The following ABLIM1 variants were observed in gnomAD, a reference collection of about 807,000 sequenced individuals.
ABLIM1 encodes the protein actin-binding LIM protein 1.
In ABLIM1, 40 loss-of-function variants were observed where a neutral mutation model predicts 107.0. The ratio of observed to expected loss-of-function variants is 0.37; its 90% CI spans 0.29 to 0.49. The LOEUF (loss-of-function observed/expected upper bound fraction) is 0.49. Among genes scored for constraint, ABLIM1 ranks in the 20% least tolerant of loss-of-function variants. ABLIM1 has a pLI of 0.97. For missense variants in ABLIM1, 857 were observed against 1,008.5 expected, an observed-to-expected ratio of 0.85 and a Z score of 2.04; for synonymous variants, 357 against 357.3, an observed-to-expected ratio of 1.00 and a Z score of 0.01.
At chr10:114,665,745 C>T (rs2079999761) in intron 1 of ABLIM1, among the ~76,000 whole-genome samples, 1 of 152,176 alleles carries the variant, frequency 6.6e-6, no homozygotes. Context: ...CTTAAAACCA[C>T]AAATTTGTTA....
At chr10:114,684,482 G>A in exon 1 of ABLIM1, 4 of 1,456,634 alleles carry the variant, frequency 2.7e-6, no homozygotes, top group Non-Finnish European at 3.6e-6. Context: ...AACTGGACCC[G>A]AGGGAGGGGT....
At chr10:114,566,992 T>C (rs2070839222) in intron 4 of ABLIM1, among the ~76,000 whole-genome samples, 1 of 152,206 alleles carries the variant, frequency 6.6e-6, no homozygotes, top group Non-Finnish European at 1.5e-5. Context: ...GAGGTTGCAA[T>C]GAGCCAGGAT....
intron 6 of ABLIM1, among the ~76,000 whole-genome samples, chr10:114,539,333 G>C (rs931358246): frequency 6.6e-6 from 1 of 152,032 alleles, no homozygotes; most frequent in Non-Finnish European, 1.5e-5. Context: ...ACTCCAGCCT[G>C]GGCAACAAAG....
intron 1 of ABLIM1, among the ~76,000 whole-genome samples, chr10:114,613,346 G>T (rs1411775683): frequency 6.6e-6 from 1 of 152,176 alleles, no homozygotes; most frequent in Non-Finnish European, 1.5e-5. Context: ...GGGAGAGCCG[G>T]CTATGCCCAG....
At position 114,565,863 on chromosome 10, in the gene ABLIM1, C is replaced by T. The variant is rs1031361127; in HGVS notation, c.673+5434G>A. 9.0e-4 allele frequency among the ~76,000 whole-genome samples: 114 copies of T among 126,892 alleles called. 3 individuals are homozygous for T. Among genetic ancestry groups the T allele is most frequent in the African/African-American group, 3.0e-3 (102 of 33,912 alleles). The allele number at this position is 126,892 out of a possible 152,430, so 83.2% of individuals were successfully genotyped here. A position where few individuals can be genotyped will look rare whatever the true frequency, so the allele number is the denominator to read the frequency against. On this transcript the variant is annotated intron_variant, in intron 4 of 22. Coordinates refer to ENST00000533213, the MANE Select transcript of ABLIM1 (RefSeq NM_002313.7). Reference sequence around the variant, plus strand: ...AGGCTGGAGTGCAGTGGTGTGATCTCGGCTCACTGCAAGCTCCGCCTCCTG... The same window carrying T: ...AGGCTGGAGTGCAGTGGTGTGATCTTGGCTCACTGCAAGCTCCGCCTCCTG...
chr10:114,580,200 ATATAT>A (rs1307418643), intron 2 of ABLIM1, among the ~76,000 whole-genome samples: 2 of 146,114 alleles, frequency 1.4e-5, no homozygotes, highest in African/African-American at 5.0e-5. Context: ...ATTATATATT[ATATAT>A]TATATATATA....
At chr10:114,690,339 G>A (rs1179702185) in intron 1 of ABLIM1, 2 of 1,603,196 alleles carry the variant, frequency 1.2e-6, no homozygotes, top group Admixed American at 3.3e-5. Flanking sequence ...TCCAGCATTT[G>A]CCATGGACAA....
intron 4 of ABLIM1, among the ~76,000 whole-genome samples, chr10:114,562,113 A>T (rs1402301462): frequency 6.6e-6 from 1 of 152,200 alleles, no homozygotes; most frequent in Non-Finnish European, 1.5e-5. Context: ...AAATTGCCAC[A>T]CCAGGTCACC....
intron 1 of ABLIM1, chr10:114,615,722 A>G (rs983711618): frequency 6.8e-5 from 24 of 354,696 alleles, no homozygotes; most frequent in Non-Finnish European, 1.3e-4. Flanking sequence ...TGGGTTCACC[A>G]ACAGTGTCTA....
chr10:114,485,358 G>A (rs560969875), intron 8 of ABLIM1: 1 of 1,612,716 alleles, frequency 6.2e-7, no homozygotes, highest in South Asian at 1.1e-5. Flanking sequence ...GAAATCGGAT[G>A]AAGAACGCCG....
At chr10:114,547,623 G>A in intron 5 of ABLIM1, 27 bp downstream of exon 5, 1 of 1,612,354 alleles carries the variant, frequency 6.2e-7, no homozygotes, top group African/African-American at 1.3e-5. Flanking sequence ...CCCACTGAAA[G>A]GAACGCGTGC....
At chr10:114,663,833 G>A (rs1172024063) in intron 1 of ABLIM1, among the ~76,000 whole-genome samples, 1 of 152,190 alleles carries the variant, frequency 6.6e-6, no homozygotes, top group African/African-American at 2.4e-5. Context: ...GCATTTCTCT[G>A]CACCTCCCCT....
rs371635584 is a variant in ABLIM1, at chr10:114,436,256, G to C, written c.*4C>G. Reference sequence around the variant, plus strand: ...TTTCTCTAATTGCCATTCACGAGTGGGACTTAGAAGAGTTTTGCTTTTTTC... The same window carrying C: ...TTTCTCTAATTGCCATTCACGAGTGCGACTTAGAAGAGTTTTGCTTTTTTC... On this transcript the variant is annotated 3_prime_UTR_variant, in exon 23 of 23. Transcript: ENST00000533213. 1.2e-6 allele frequency: 2 copies of C among 1,608,846 alleles called. No homozygotes were observed.
intron 6 of ABLIM1, among the ~76,000 whole-genome samples, chr10:114,522,995 A>G (rs1201509830): frequency 1.3e-5 from 2 of 152,098 alleles, no homozygotes; most frequent in Admixed American, 1.3e-4. Context: ...TACTAAAAAC[A>G]CAAAAAATTA....
the ABLIM1 span, among the ~76,000 whole-genome samples, chr10:114,777,343 TTTTG>T: frequency 2.0e-5 from 3 of 152,228 alleles, no homozygotes; most frequent in East Asian, 5.8e-4. Flanking sequence ...ATTTTTTCTA[TTTTG>T]TTTAACTTAT....
intron 4 of ABLIM1, among the ~76,000 whole-genome samples, chr10:114,563,341 C>T (rs922907673): frequency 2.9e-4 from 44 of 152,028 alleles, no homozygotes; most frequent in African/African-American, 9.9e-4. Context: ...ATTCAATTTC[C>T]GGAACTTTTA....
At chr10:114,695,662 T>G (rs955504740) in intron 1 of ABLIM1, among the ~76,000 whole-genome samples, 1 of 152,110 alleles carries the variant, frequency 6.6e-6, no homozygotes, top group African/African-American at 2.4e-5. Flanking sequence ...CCATTACAAT[T>G]CAACAACTTT....
At chr10:114,641,524 T>C (rs1202234066) in intron 1 of ABLIM1, among the ~76,000 whole-genome samples, 1 of 152,210 alleles carries the variant, frequency 6.6e-6, no homozygotes, top group East Asian at 1.9e-4. Flanking sequence ...TGTATGATTA[T>C]ATATTAGAAA....
chr10:114,567,327 G>A (rs2070901860), intron 4 of ABLIM1, among the ~76,000 whole-genome samples: 1 of 152,200 alleles, frequency 6.6e-6, no homozygotes, highest in Admixed American at 6.5e-5. Flanking sequence ...GGAACATTGG[G>A]CAAATTATTT....
Sources: allele counts gnomAD v4.1 joint callset (sites outside exome capture counted in the v4.1 genomes callset), GRCh38; gene constraint gnomAD v4.1.1; transcripts MANE v1.5; gene names NCBI Gene and HGNC (gene_info 2026-07-23, HGNC 2026-07-21).